Variants in POMGNT2 observed in about 807,000 individuals in gnomAD.
POMGNT2 encodes protein O-linked mannose N-acetylglucosaminyltransferase 2 (beta 1,4-).
A neutral mutation model predicts 37.8 loss-of-function variants in POMGNT2; 32 were observed. That is an observed-to-expected ratio of 0.85 (90% confidence interval 0.64 to 1.14). POMGNT2 has a LOEUF of 1.14. Ranked by LOEUF, POMGNT2 falls within the 50% of genes most tolerant of loss-of-function variation. The probability of loss-of-function intolerance (pLI) is 0.00; values close to 1 mark genes in which losing one functional copy is unlikely to be tolerated. For synonymous variants in POMGNT2, 340 were observed against 336.8 expected, an observed-to-expected ratio of 1.01 and a Z score of -0.10; for missense variants, 705 against 780.6, an observed-to-expected ratio of 0.90 and a Z score of 1.15.
chr3:43,084,080 G>T (rs2089876688), intron 1 of POMGNT2, among the ~76,000 whole-genome samples: 1 of 152,140 alleles, frequency 6.6e-6, no homozygotes, highest in East Asian at 1.9e-4. Flanking sequence ...TGCTGATGAG[G>T]AACTGCTACC....
At chr3:43,104,281 G>T (rs1018535545) in intron 1 of POMGNT2, among the ~76,000 whole-genome samples, 1 of 152,186 alleles carries the variant, frequency 6.6e-6, no homozygotes, top group Non-Finnish European at 1.5e-5. Flanking sequence ...GTAGGTCCTG[G>T]GGGGAAAGTA....
At position 43,079,609 on chromosome 3, in the gene POMGNT2, GTC is replaced by G; in HGVS notation, c.*78_*79del. On this transcript the variant is annotated 3_prime_UTR_variant, in exon 2 of 2. Transcript: ENST00000344697. ...CCTGCTCAATAAATAGTTCCCAGAA[GTC>G]TCCACAGTGGGATTAATGGGCCCAG... 7.8e-7 allele frequency: 1 copy of G among 1,283,206 alleles called. No homozygotes were observed. Among genetic ancestry groups the G allele is most frequent in the Non-Finnish European group, 1.1e-6 (1 of 917,848 alleles). 79.5% of individuals were successfully genotyped at this position (1,283,206 alleles called of 1,614,324 possible). A position where few individuals can be genotyped will look rare whatever the true frequency, so the allele number is the denominator to read the frequency against.
intron 1 of POMGNT2, among the ~76,000 whole-genome samples, chr3:43,082,703 T>C (rs1004122683): frequency 5.9e-5 from 9 of 152,214 alleles, no homozygotes; most frequent in African/African-American, 2.2e-4. Context: ...GAGTAGCTGC[T>C]CCTTTATTCC....
chr3:43,096,917 A>G (rs1350684410), intron 1 of POMGNT2, among the ~76,000 whole-genome samples: 1 of 152,178 alleles, frequency 6.6e-6, no homozygotes, highest in Non-Finnish European at 1.5e-5. Context: ...AGATCCCCAG[A>G]CTTAGTGAAT....
chr3:43,095,600 T>C (rs1432698982), intron 1 of POMGNT2, among the ~76,000 whole-genome samples: 1 of 152,208 alleles, frequency 6.6e-6, no homozygotes, highest in African/African-American at 2.4e-5. Flanking sequence ...TTCCTCTATG[T>C]ACTAGCCCCA....
In POMGNT2 at chr3:43,098,348, T is replaced by A. The variant is rs1030695709; in HGVS notation, c.-106+7488A>T. The stretch of plus-strand genomic sequence containing the variant: ...AAGCTTATCCTCAGAATGATCTCTT[T>A]CCCCCTCCTTTTTTTTTGGTTATCT... On this transcript the variant is annotated intron_variant, in intron 1 of 1. Coordinates refer to ENST00000344697, the MANE Select transcript of POMGNT2 (RefSeq NM_032806.6). The surrounding 1 kb of genome is among the most constrained non-coding windows in gnomAD (Gnocchi z 4.3). Among the ~76,000 whole-genome samples the A allele has an allele frequency of 6.6e-6, 1 of 152,094 alleles. No individual in the cohort carries two copies. The highest frequency in any genetic ancestry group is 6.6e-5 in the Admixed American group (1 of 15,264).
At chr3:43,082,430 A>G (rs540251007) in intron 1 of POMGNT2, among the ~76,000 whole-genome samples, 4 of 152,214 alleles carry the variant, frequency 2.6e-5, no homozygotes, top group Non-Finnish European at 5.9e-5. Flanking sequence ...AGATAATTGT[A>G]TCTGGGTATC....
At chr3:43,100,283 A>C (rs1268226728) in intron 1 of POMGNT2, among the ~76,000 whole-genome samples, 2 of 152,244 alleles carry the variant, frequency 1.3e-5, no homozygotes, top group Non-Finnish European at 2.9e-5. Context: ...CAATTTAAAA[A>C]CAATATAGTA....
chr3:43,089,351 G>A (rs1339461768), intron 1 of POMGNT2, among the ~76,000 whole-genome samples: 1 of 152,194 alleles, frequency 6.6e-6, no homozygotes, highest in Admixed American at 6.5e-5. Context: ...GGGCTAGGAG[G>A]CAGTCCAGGG....
chr3:43,081,315 G>T lies in POMGNT2; in HGVS notation c.117C>A (p.Ser39Arg). 6.2e-7 allele frequency: 1 copy of T among 1,611,932 alleles called. No homozygotes were observed. The highest frequency in any genetic ancestry group is 8.5e-7 in the Non-Finnish European group (1 of 1,179,992). Residue 39 changes from serine to arginine, a missense_variant, in exon 2 of 2, where the codon AGC (serine) becomes AGA (arginine). Coordinates refer to ENST00000344697, the MANE Select transcript of POMGNT2 (RefSeq NM_032806.6). ...CTGGGGCTGGCTCTGTGGCCTGTCG[G>T]CTGAGGGCCAGCTCCTCCTCCAGTG... ...AATLEEELAL[S>R]RQATEPAPAL...
intron 1 of POMGNT2, among the ~76,000 whole-genome samples, chr3:43,104,978 T>C (rs909586730): frequency 5.9e-5 from 9 of 152,200 alleles, no homozygotes; most frequent in Non-Finnish European, 1.0e-4. Flanking sequence ...AGTAAACATT[T>C]GGTGAATGAA....
intron 1 of POMGNT2, among the ~76,000 whole-genome samples, chr3:43,088,813 C>T (rs1369492274): frequency 1.3e-5 from 2 of 152,262 alleles, no homozygotes; most frequent in Admixed American, 6.5e-5. Context: ...CTGGTGACAT[C>T]TCCAAGCCCC....
chr3:43,103,724 G>A (rs2090036030), intron 1 of POMGNT2, among the ~76,000 whole-genome samples: 1 of 152,172 alleles, frequency 6.6e-6, no homozygotes, highest in Non-Finnish European at 1.5e-5. Flanking sequence ...AGGACGATGG[G>A]CAGCAGAGAA....
chr3:43,104,089 C>T (rs543454382), intron 1 of POMGNT2, among the ~76,000 whole-genome samples: 1 of 152,288 alleles, frequency 6.6e-6, no homozygotes, highest in South Asian at 2.1e-4. Flanking sequence ...AATTCAATTT[C>T]ACATTTAAGA....
chr3:43,086,525 G>A (rs1406200656), intron 1 of POMGNT2, among the ~76,000 whole-genome samples: 1 of 152,210 alleles, frequency 6.6e-6, no homozygotes, highest in Non-Finnish European at 1.5e-5. Flanking sequence ...ATGCCCATAG[G>A]AGTATGCCAT....
At chr3:43,095,797 A>G (rs761304481) in intron 1 of POMGNT2, among the ~76,000 whole-genome samples, 7 of 152,210 alleles carry the variant, frequency 4.6e-5, no homozygotes, top group African/African-American at 7.2e-5. Context: ...AAGTGGGGCA[A>G]GGGGCAGAGA....
At chr3:43,104,238 C>G (rs1038635390) in intron 1 of POMGNT2, among the ~76,000 whole-genome samples, 1 of 152,156 alleles carries the variant, frequency 6.6e-6, no homozygotes, top group African/African-American at 2.4e-5. Flanking sequence ...ATTATTTCAT[C>G]CAATTTAAGA....
In POMGNT2 at chr3:43,097,012, G is replaced by C. The variant is rs1278702334; in HGVS notation, c.-106+8824C>G. ...GCAACTGCAGACCCCAGTAACAGCT[G>C]GGCAGGTGGGGTGGGGCCACTTGCC... On this transcript the variant is annotated intron_variant, in intron 1 of 1. Coordinates refer to ENST00000344697, the MANE Select transcript of POMGNT2 (RefSeq NM_032806.6). Among the ~76,000 whole-genome samples the C allele has an allele frequency of 4.6e-5, 7 of 152,216 alleles. No homozygotes were observed. In the East Asian group the frequency reaches 1.3e-3, roughly 29 times the overall value.
rs2089840322 is a variant in POMGNT2 at position 43,080,470 on chromosome 3, A to G, written c.962T>C (p.Val321Ala). Residue 321 changes from valine (V) to alanine (A), a missense_variant, in exon 2 of 2, where the codon GTG (valine) becomes GCG (alanine). Val to Ala is a moderately conservative substitution (Grantham distance 64). Transcript: ENST00000344697. ...AQEFQMKTVT[V>A]SLEDHTFADV... is the part of the protein sequence containing the mutation. ...AGCAAAGGTGTGGTCCTCCAGGGACACTGTCACTGTCTTCATCTGGAACTC... is the reference window on the plus strand; with the variant it reads ...AGCAAAGGTGTGGTCCTCCAGGGACGCTGTCACTGTCTTCATCTGGAACTC... The G allele has an allele frequency of 1.2e-6, 2 of 1,614,052 alleles. No individual in the cohort carries two copies. The highest frequency in any genetic ancestry group is 1.3e-5 in the African/African-American group (1 of 74,904).
Sources: gnomAD v4.1 joint callset for allele counts (sites outside exome capture counted in the v4.1 genomes callset) on GRCh38, gnomAD v4.1.1 for gene constraint, Gnocchi (gnomAD v3.1) non-coding constraint, MANE v1.5 for transcripts, NCBI Gene and HGNC (gene_info 2026-07-23, HGNC 2026-07-21) for gene names.